The following LPCAT1 variants were observed in gnomAD, a reference collection of about 807,000 sequenced individuals.
LPCAT1 encodes the protein lysophosphatidylcholine acyltransferase 1.
In LPCAT1, 23 loss-of-function variants were observed where a neutral mutation model predicts 60.9. The observed-to-expected ratio is 0.38, with a 90% CI of 0.27 to 0.53. The LOEUF (loss-of-function observed/expected upper bound fraction) is 0.53, where lower values mean the gene tolerates loss of function less well. Ranked by LOEUF, LPCAT1 falls within the 20% of genes least tolerant of loss-of-function variation. The probability of loss-of-function intolerance (pLI) is 0.82; values close to 1 mark genes in which losing one functional copy is unlikely to be tolerated. For missense variants in LPCAT1, 622 were observed against 723.6 expected (o/e 0.86, Z 1.61); for synonymous variants, 340 against 301.1 (o/e 1.13, Z -1.34).
chr5:1,464,967 C>T (rs975532460), intron 13 of LPCAT1, among the ~76,000 whole-genome samples: 8 of 151,766 alleles, frequency 5.3e-5, no homozygotes, highest in Admixed American at 1.3e-4. Context: ...TACACACATG[C>T]ACGCACACAT....
chr5:1,499,963 G>A (rs750911160), intron 2 of LPCAT1, among the ~76,000 whole-genome samples: 7 of 152,258 alleles, frequency 4.6e-5, no homozygotes, highest in African/African-American at 9.6e-5. Context: ...GGGCCTGGGC[G>A]TGCCCATTAC....
intron 12 of LPCAT1, among the ~76,000 whole-genome samples, chr5:1,470,282 C>T (rs529175643): frequency 1.3e-5 from 2 of 152,386 alleles, no homozygotes; most frequent in East Asian, 3.9e-4. Context: ...TCCCGCCCTC[C>T]AGGCCTGACC....
Position 1,474,576 on chromosome 5 carries a change from G to A in LPCAT1, c.1009C>T (p.Leu337Phe). 3.1e-6 allele frequency: 5 copies of A among 1,613,988 alleles called. No individual in the cohort carries two copies. Among genetic ancestry groups the A allele is most frequent in the South Asian group, 1.1e-5 (1 of 91,076 alleles). Residue 337 changes from leucine to phenylalanine, a missense_variant, in exon 10 of 14, where the codon CTC becomes TTC. Leu to Phe is a conservative substitution (Grantham distance 22). Coordinates refer to ENST00000283415, the MANE Select transcript of LPCAT1 (RefSeq NM_024830.5). ...ADTCLLEFAR[L>F]VRGLGLKPEK... ...GGTACTCACCCGAGGCCCCGCACGA[G>A]CCTGGCAAATTCTAAAAGGCAAGTG...
intron 1 of LPCAT1, among the ~76,000 whole-genome samples, chr5:1,517,766 T>C (rs2962061): frequency 0.25 from 37,344 of 152,160 alleles, 4,932 homozygotes; most frequent in Non-Finnish European, 0.29. Context: ...AGACTACAGT[T>C]CGTCTAGGAA....
intron 1 of LPCAT1, among the ~76,000 whole-genome samples, chr5:1,509,840 G>A (rs1295212667): frequency 6.6e-6 from 1 of 152,176 alleles, no homozygotes; most frequent in African/African-American, 2.4e-5. Context: ...ATTGCCGTGG[G>A]CTCTCTCTGC....
In LPCAT1 at chr5:1,502,792, ACT is replaced by A. The variant is rs898510570; in HGVS notation, c.136-1191_136-1190del. ...TGATGCCTGTCATGAGAGCGCTCCCACTCTGTTTCCTTGGTTTGTCCCTAGAT... is the reference window on the plus strand; with the variant it reads ...TGATGCCTGTCATGAGAGCGCTCCCACTGTTTCCTTGGTTTGTCCCTAGAT... On this transcript the variant is annotated intron_variant, in intron 1 of 13. Coordinates refer to ENST00000283415, the MANE Select transcript of LPCAT1 (RefSeq NM_024830.5). This position sits in a 1 kb window ranked among gnomAD's most constrained non-coding sequence, Gnocchi z 5.5. Among the ~76,000 whole-genome samples the A allele has an allele frequency of 2.0e-5, 3 of 151,680 alleles. No homozygotes were observed. Among genetic ancestry groups the A allele is most frequent in the South Asian group, 2.1e-4 (1 of 4,774 alleles).
rs1472923260 is a variant in LPCAT1 at position 1,495,782 on chromosome 5, G to A, written c.279-868C>T. Among the ~76,000 whole-genome samples the A allele has an allele frequency of 1.3e-5, 2 of 152,164 alleles. No individual in the cohort carries two copies. Among genetic ancestry groups the A allele is most frequent in the African/African-American group, 4.8e-5 (2 of 41,446 alleles). On this transcript the variant is annotated intron_variant, in intron 2 of 13. Coordinates refer to ENST00000283415, the MANE Select transcript of LPCAT1 (RefSeq NM_024830.5). The surrounding 1 kb of genome is among the most constrained non-coding windows in gnomAD (Gnocchi z 4.7). ...GTAAAACTACTGCACAGAGAAACAA[G>A]AGCCTGAAGCCTTACTGGATTCACA...
At position 1,521,403 on chromosome 5, in the gene LPCAT1, C is replaced by A. The variant is rs1435864032; in HGVS notation, c.135+2307G>T. 1.6e-5 allele frequency: 16 copies of A among 985,414 alleles called. No homozygotes were observed. The highest frequency in any genetic ancestry group is 1.8e-5 in the Non-Finnish European group (15 of 829,906). 61.0% of individuals were successfully genotyped at this position (985,414 alleles called of 1,614,324 possible). A position where few individuals can be genotyped will look rare whatever the true frequency, so the allele number is the denominator to read the frequency against. ...TTCTGCGGGTTCTTGAGTGTGTCAG[C>A]CACTACTGGACCCATTTCTTTCTTT... On this transcript the variant is annotated intron_variant, in intron 1 of 13. Transcript: ENST00000283415. The surrounding 1 kb of genome is among the most constrained non-coding windows in gnomAD (Gnocchi z 4.3).
chr5:1,518,072 G>A (rs1011357613), intron 1 of LPCAT1, among the ~76,000 whole-genome samples: 1 of 152,258 alleles, frequency 6.6e-6, no homozygotes, highest in African/African-American at 2.4e-5. Context: ...GACGCCTCAG[G>A]GTTCTCGCCC....
intron 3 of LPCAT1, among the ~76,000 whole-genome samples, chr5:1,492,754 T>A (rs906889040): frequency 1.3e-5 from 2 of 152,184 alleles, no homozygotes; most frequent in South Asian, 2.1e-4. Context: ...ACGTCCAGCA[T>A]CACCGCACCA....
Position 1,490,033 on chromosome 5 carries a change from G to A in LPCAT1, c.494-175C>T, listed in dbSNP as rs113446241. Among the ~76,000 whole-genome samples, 1,219 of 152,350 alleles carry A rather than the reference G, an allele frequency of 8.0e-3. 13 individuals are homozygous for A. The highest frequency in any genetic ancestry group is 0.026 in the African/African-American group (1,066 of 41,568). On this transcript the variant is annotated intron_variant, in intron 3 of 13. Transcript: ENST00000283415. ...GACTGAGGGAACGGGAACAGCACCCGGGCTTCCCATGTCTGTGACAGCAGG... is the reference window on the plus strand; with the variant it reads ...GACTGAGGGAACGGGAACAGCACCCAGGCTTCCCATGTCTGTGACAGCAGG...
chr5:1,467,948 C>T (rs1289485519), intron 12 of LPCAT1, among the ~76,000 whole-genome samples: 1 of 152,176 alleles, frequency 6.6e-6, no homozygotes, highest in East Asian at 1.9e-4. Flanking sequence ...TCCCCTTCTC[C>T]TGCTGCAGCG....
chr5:1,500,396 AT>A (rs1263576607), intron 2 of LPCAT1, among the ~76,000 whole-genome samples: 1 of 152,248 alleles, frequency 6.6e-6, no homozygotes, highest in Non-Finnish European at 1.5e-5. Context: ...ATTTAGTTTA[AT>A]TTTTTGTGGT....
At chr5:1,509,899 A>G (rs1225703309) in intron 1 of LPCAT1, among the ~76,000 whole-genome samples, 2 of 152,170 alleles carry the variant, frequency 1.3e-5, no homozygotes, top group Non-Finnish European at 2.9e-5. Context: ...CCCGCACCCC[A>G]GGCGCTACAG....
In LPCAT1 at chr5:1,481,041, G is replaced by C. The variant is rs1735120076; in HGVS notation, c.727-65C>G. The C allele has an allele frequency of 1.3e-6, 2 of 1,576,590 alleles. No individual in the cohort carries two copies. The highest frequency in any genetic ancestry group is 8.7e-7 in the Non-Finnish European group (1 of 1,149,082). ...CACCCAGGGCCTGCACCAAGCACCT[G>C]CGTGTGCCGGCCTCTCCCTGCACCT... is the stretch of plus-strand genomic sequence containing the variant. On this transcript the variant is annotated intron_variant, in intron 6 of 13. Coordinates refer to ENST00000283415, the MANE Select transcript of LPCAT1 (RefSeq NM_024830.5). The surrounding 1 kb of genome is among the most constrained non-coding windows in gnomAD (Gnocchi z 7.8).
chr5:1,487,088 G>A lies in LPCAT1; in HGVS notation c.667+1303C>T, dbSNP rs1440248049. ...CCAGGGGCCTCCCTGCAGGCACGAG[G>A]CTCCACTCCCGAGGAACACCTGCCC... is the stretch of plus-strand genomic sequence containing the variant. On this transcript the variant is annotated intron_variant, in intron 5 of 13. Transcript: ENST00000283415. The surrounding 1 kb of genome is among the most constrained non-coding windows in gnomAD (Gnocchi z 6.1). Among the ~76,000 whole-genome samples, 2 of 152,216 alleles carry A rather than the reference G, an allele frequency of 1.3e-5. No individual in the cohort carries two copies. The highest frequency in any genetic ancestry group is 2.4e-5 in the African/African-American group (1 of 41,460).
At chr5:1,516,524 C>G (rs1025537663) in intron 1 of LPCAT1, among the ~76,000 whole-genome samples, 12 of 152,232 alleles carry the variant, frequency 7.9e-5, no homozygotes, top group African/African-American at 2.9e-4. Flanking sequence ...GACACCAGCC[C>G]TCCCTGGCTC....
chr5:1,475,831 C>T (rs1190170878), intron 9 of LPCAT1, among the ~76,000 whole-genome samples: 1 of 101,622 alleles, frequency 9.8e-6, no homozygotes, highest in Non-Finnish European at 2.4e-5. Context: ...CCCGCCCAGG[C>T]CCAGGAGTCC....
chr5:1,479,540 C>A (rs961982938), intron 8 of LPCAT1, 81 bp downstream of exon 8: 58 of 1,020,284 alleles, frequency 5.7e-5, no homozygotes, highest in Non-Finnish European at 7.7e-5. Context: ...TTGTACAAGG[C>A]TTATCTGGGC....
Sources: allele counts gnomAD v4.1 joint callset (sites outside exome capture counted in the v4.1 genomes callset), GRCh38; gene constraint gnomAD v4.1.1; non-coding constraint Gnocchi (gnomAD v3.1); transcripts MANE v1.5; gene names NCBI Gene and HGNC (gene_info 2026-07-23, HGNC 2026-07-21).